Variants in TPR observed in about 807,000 individuals in gnomAD.
TPR encodes the protein nucleoprotein TPR.
In TPR, 51 loss-of-function variants were observed where a neutral mutation model predicts 316.1. That is an observed-to-expected ratio of 0.16 (90% CI 0.13 to 0.20). The LOEUF is 0.20. Among genes scored for constraint, TPR ranks in the 10% least tolerant of loss-of-function variants. The pLI is 1.00. For synonymous variants in TPR, 981 were observed against 914.7 expected, an observed-to-expected ratio of 1.07 and a Z score of -1.31; for missense variants, 2,272 against 2,754.8, an observed-to-expected ratio of 0.82 and a Z score of 3.92.
In TPR at chr1:186,333,397, G is replaced by A; in HGVS notation, c.5183-3C>T. 1.2e-6 allele frequency: 2 copies of A among 1,612,294 alleles called. No homozygotes were observed. Among genetic ancestry groups the A allele is most frequent in the Non-Finnish European group, 1.7e-6 (2 of 1,179,020 alleles). On this transcript the variant is annotated splice_region_variant and splice_polypyrimidine_tract_variant and intron_variant, in intron 36 of 50. Coordinates refer to ENST00000367478, the MANE Select transcript of TPR (RefSeq NM_003292.3). ...CACAGGCCCTTCTGACTGCATAGCT[G>A]AAAAATAATTATAATGCTGAATATA...
chr1:186,363,516 T>G, intron 4 of TPR, 71 bp from the exon 5 acceptor site: 1 of 1,041,622 alleles, frequency 9.6e-7, no homozygotes, highest in East Asian at 2.6e-5. Context: ...CAAAAATATA[T>G]TTCTAGGAAT....
At chr1:186,363,682 C>T (rs774557998) in intron 4 of TPR, among the ~76,000 whole-genome samples, 3 of 151,922 alleles carry the variant, frequency 2.0e-5, no homozygotes, top group Non-Finnish European at 4.4e-5. Context: ...CAGACCAATC[C>T]AGGCAGCCCA....
chr1:186,339,823 T>C (rs746787628), intron 29 of TPR, 51 bp from the exon 30 acceptor site: 15 of 1,476,480 alleles, frequency 1.0e-5, no homozygotes, highest in Non-Finnish European at 1.2e-5. Context: ...ATGAAACAAA[T>C]GTGCTATAAT....
chr1:186,329,354 T>C (rs2102061751), intron 39 of TPR, among the ~76,000 whole-genome samples: 2 of 152,344 alleles, frequency 1.3e-5, no homozygotes, highest in African/African-American at 4.8e-5. Context: ...TTATTTAAAA[T>C]GCTTGGGTCC....
At chr1:186,325,337 T>C (rs1180311893) in intron 42 of TPR, among the ~76,000 whole-genome samples, 2 of 152,166 alleles carry the variant, frequency 1.3e-5, no homozygotes, top group Non-Finnish European at 2.9e-5. Flanking sequence ...AAATATATGC[T>C]ATATTGATCC....
chr1:186,325,847 TCAC>T lies in TPR; in HGVS notation c.6026_6028del (p.Gly2009del). The T allele has an allele frequency of 6.2e-7, 1 of 1,613,162 alleles. No homozygotes were observed. Among genetic ancestry groups the T allele is most frequent in the African/African-American group, 1.3e-5 (1 of 74,944 alleles). On this transcript the variant is annotated inframe_deletion, in exon 42 of 51. Coordinates refer to ENST00000367478, the MANE Select transcript of TPR (RefSeq NM_003292.3). ...TGTTTCTGTACCTGGATCAGTCCCA[TCAC>T]CACCCTAAAAACAAAACGTGGTAAC...
chr1:186,317,494 T>C lies in TPR; in HGVS notation c.6928A>G (p.Ser2310Gly). Residue 2310 changes from serine to glycine, a missense_variant, in exon 49 of 51, where the codon AGC becomes GGC. Coordinates refer to ENST00000367478, the MANE Select transcript of TPR (RefSeq NM_003292.3). ...GGCAGGGACTCACCTACAGATGAGC[T>C]AGAAGGAGGATCCTGGCTGGTGGAG... ...LPSTSQDPPSSSSVDTSSSQP... is the reference protein window; with the variant it reads ...LPSTSQDPPSGSSVDTSSSQP... 1 of 1,614,116 alleles carries C rather than the reference T, an allele frequency of 6.2e-7. No individual in the cohort carries two copies. The highest frequency in any genetic ancestry group is 8.5e-7 in the Non-Finnish European group (1 of 1,179,968).
chr1:186,343,097 G>C (rs1049625681), intron 27 of TPR: 5 of 398,202 alleles, frequency 1.3e-5, no homozygotes, highest in Middle Eastern at 1.4e-3. Context: ...TGTACCCAAG[G>C]CCACAGCTAA....
rs1353556274 is a variant in TPR, at chr1:186,355,644, G to C, written c.2013C>G (p.Ala671=). 5 of 1,614,012 alleles carry C rather than the reference G, an allele frequency of 3.1e-6. No homozygotes were observed. Among genetic ancestry groups the C allele is most frequent in the Non-Finnish European group, 3.4e-6 (4 of 1,179,994 alleles). Residue 671 remains alanine, a synonymous_variant, in exon 16 of 51, where the codon GCC becomes GCG. Coordinates refer to ENST00000367478, the MANE Select transcript of TPR (RefSeq NM_003292.3). ...ESTEAIEAKA[A]LKQLQEIFEN... ...AAGGTGTGATCTTTACCTGTTTAAG[G>C]GCAGCCTTAGCCTCTATAGCCTCTG...
Position 186,345,669 on chromosome 1 carries a change from T to G in TPR, c.3124A>C (p.Ser1042Arg). The G allele has an allele frequency of 1.2e-6, 2 of 1,612,614 alleles. No homozygotes were observed. Among genetic ancestry groups the G allele is most frequent in the Non-Finnish European group, 1.7e-6 (2 of 1,179,378 alleles). ...GCTTCTTGTACTTCATTCTGAACAC[T>G]AGAAAGTGTTTTCTTCAATTCAGAT... ...QLSELKKTLS[S>R]VQNEVQEALQ... Residue 1042 changes from serine (S) to arginine (R), a missense_variant, in exon 24 of 51, where the codon AGT becomes CGT. Transcript: ENST00000367478.
chr1:186,325,737 T>G (rs1374142373), intron 42 of TPR, 27 bp downstream of exon 42: 1 of 1,585,694 alleles, frequency 6.3e-7, no homozygotes. Flanking sequence ...AGATATTCAA[T>G]TCAAAAAAGG....
intron 6 of TPR, 70 bp downstream of exon 6, chr1:186,362,767 T>C: frequency 1.5e-6 from 2 of 1,338,150 alleles, no homozygotes; most frequent in Non-Finnish European, 2.0e-6. Flanking sequence ...ACTGAATACA[T>C]ATTTAATAAA....
In TPR at chr1:186,368,864, G is replaced by T. The variant is rs1327523770; in HGVS notation, c.331-882C>A. Among the ~76,000 whole-genome samples the T allele has an allele frequency of 2.0e-5, 3 of 152,106 alleles. No individual in the cohort carries two copies. The East Asian group carries it at 5.8e-4, about 29-fold the overall frequency. Reference sequence around the variant, plus strand: ...ACCTTTCCCCTATGTTCACTTCTCTGAGTTTTATGGCTTCAGGTCTTACAT... The same window carrying T: ...ACCTTTCCCCTATGTTCACTTCTCTTAGTTTTATGGCTTCAGGTCTTACAT... On this transcript the variant is annotated intron_variant, in intron 3 of 50. Transcript: ENST00000367478.
chr1:186,363,045 T>C lies in TPR; in HGVS notation c.532-44A>G, dbSNP rs143290080. The C allele has an allele frequency of 3.1e-4, 474 of 1,547,906 alleles. 4 individuals carry two copies. The East Asian group carries it at 9.6e-3, about 31-fold the overall frequency. On this transcript the variant is annotated intron_variant, in intron 5 of 50. Coordinates refer to ENST00000367478, the MANE Select transcript of TPR (RefSeq NM_003292.3). ...ATAACACGTACAGTTAAAGATGATA[T>C]ATGATTATTCAAAAGATTTTGTCTG...
intron 19 of TPR, among the ~76,000 whole-genome samples, 194 bp from the exon 20 acceptor site, chr1:186,351,664 G>A (rs1411067173): frequency 1.3e-5 from 2 of 152,046 alleles, no homozygotes; most frequent in African/African-American, 4.8e-5. Flanking sequence ...GAGATGGAAT[G>A]TATTATAATC....
At chr1:186,325,067 A>T (rs765850570) in intron 42 of TPR, among the ~76,000 whole-genome samples, 3 of 152,116 alleles carry the variant, frequency 2.0e-5, no homozygotes, top group Non-Finnish European at 4.4e-5. Context: ...AGTTAAAATG[A>T]GAATATATCT....
chr1:186,367,453 GTATTT>G (rs1659385272), intron 4 of TPR, among the ~76,000 whole-genome samples: 1 of 152,180 alleles, frequency 6.6e-6, no homozygotes, highest in South Asian at 2.1e-4. Context: ...CTATGTTTAT[GTATTT>G]TATGTCTCTG....
chr1:186,348,570 G>C (rs1658753546), intron 21 of TPR, among the ~76,000 whole-genome samples: 1 of 151,984 alleles, frequency 6.6e-6, no homozygotes, highest in South Asian at 2.1e-4. Context: ...CCTACTCTCT[G>C]TTCTTACACT....
chr1:186,346,930 T>C (rs1248139283), intron 22 of TPR, among the ~76,000 whole-genome samples: 1 of 151,092 alleles, frequency 6.6e-6, no homozygotes, highest in Admixed American at 6.6e-5. Flanking sequence ...AGGGTTCCCA[T>C]CACGTAAAAT....
Sources: gnomAD v4.1 joint callset for allele counts (sites outside exome capture counted in the v4.1 genomes callset) on GRCh38, gnomAD v4.1.1 for gene constraint, MANE v1.5 for transcripts, NCBI Gene and HGNC (gene_info 2026-07-23, HGNC 2026-07-21) for gene names.